The following RAD51B variants were observed in gnomAD, a reference collection of about 807,000 sequenced individuals.
RAD51B encodes the protein RAD51 paralog B, also known as DNA repair protein RAD51 homolog 2.
A neutral mutation model predicts 42.2 loss-of-function variants in RAD51B; 38 were observed. The ratio of observed to expected loss-of-function variants is 0.90; its 90% CI spans 0.70 to 1.18. The LOEUF is 1.18. Among genes scored for constraint, RAD51B ranks in the 50% most tolerant of loss-of-function variants. The pLI, the probability that RAD51B is intolerant of heterozygous loss-of-function variation, is 0.00. For missense variants in RAD51B, 373 were observed against 400.7 expected, an observed-to-expected ratio of 0.93 and a Z score of 0.59; for synonymous variants, 154 against 145.2, an observed-to-expected ratio of 1.06 and a Z score of -0.43.
In RAD51B at chr14:68,672,732, A is replaced by G. The variant is rs372821926; in HGVS notation, c.*11+21876A>G. Among the ~76,000 whole-genome samples the G allele has an allele frequency of 2.6e-5, 4 of 152,330 alleles. No homozygotes were observed. The East Asian group carries it at 7.7e-4, about 29-fold the overall frequency. On this transcript the variant is annotated intron_variant, in intron 11 of 11. Coordinates refer to the RAD51B transcript ENST00000488612. ...GCTACACAAGCATCAGGGAAATCCC[A>G]TCGATCATAAGAGATGGAAAATAAC...
At chr14:68,341,975 C>T (rs1393605958) in intron 8 of RAD51B, among the ~76,000 whole-genome samples, 1 of 152,122 alleles carries the variant, frequency 6.6e-6, no homozygotes, top group Admixed American at 6.5e-5. Context: ...GATGGCTTGA[C>T]ATATTGTGTA....
intron 7 of RAD51B, among the ~76,000 whole-genome samples, chr14:68,245,565 C>T (rs1318700054): frequency 6.6e-6 from 1 of 152,222 alleles, no homozygotes; most frequent in African/African-American, 2.4e-5. Flanking sequence ...TATCTCTTTT[C>T]CTGTTGCTTA....
intron 7 of RAD51B, among the ~76,000 whole-genome samples, chr14:68,166,561 T>G (rs1375336007): frequency 1.3e-5 from 2 of 152,318 alleles, no homozygotes; most frequent in East Asian, 3.9e-4. Flanking sequence ...TCTTCAAAAG[T>G]GTCTTCAATT....
intron 7 of RAD51B, among the ~76,000 whole-genome samples, chr14:68,188,399 C>T (rs777209698): frequency 1.1e-3 from 168 of 151,148 alleles, no homozygotes; most frequent in Non-Finnish European, 1.6e-3. Context: ...CCTCCTCCCC[C>T]TTCCCTTTCT....
chr14:68,208,107 C>T (rs1377401132), intron 7 of RAD51B, among the ~76,000 whole-genome samples: 1 of 89,692 alleles, frequency 1.1e-5, no homozygotes, highest in Non-Finnish European at 2.2e-5. Context: ...AATCGATATA[C>T]AGTATAATAT....
intron 7 of RAD51B, among the ~76,000 whole-genome samples, chr14:68,031,844 A>G (rs2076048848): frequency 6.6e-6 from 1 of 152,220 alleles, no homozygotes; most frequent in African/African-American, 2.4e-5. Context: ...CATCAAAACT[A>G]CAAATATTCT....
chr14:68,066,090 A>T (rs2076645681), intron 7 of RAD51B, among the ~76,000 whole-genome samples: 1 of 152,062 alleles, frequency 6.6e-6, no homozygotes, highest in Non-Finnish European at 1.5e-5. Context: ...AAAACAACCC[A>T]AATATTCAAC....
intron 1 of RAD51B, among the ~76,000 whole-genome samples, chr14:67,821,045 G>A (rs1202285637): frequency 6.6e-6 from 1 of 152,246 alleles, no homozygotes; most frequent in Non-Finnish European, 1.5e-5. Flanking sequence ...CCCATGGGAA[G>A]TGTTAAAGGA....
At chr14:68,049,452 A>G (rs1379706875) in intron 7 of RAD51B, among the ~76,000 whole-genome samples, 2 of 152,168 alleles carry the variant, frequency 1.3e-5, no homozygotes, top group African/African-American at 2.4e-5. Flanking sequence ...GGCCAGGCCA[A>G]CACTTCCTAA....
chr14:68,637,227 G>C (rs1892358931), intron 10 of RAD51B, among the ~76,000 whole-genome samples: 1 of 152,010 alleles, frequency 6.6e-6, no homozygotes, highest in South Asian at 2.1e-4. Flanking sequence ...CTATAACCAT[G>C]GCCATCACAC....
chr14:68,551,764 A>G (rs1888584560), intron 10 of RAD51B, among the ~76,000 whole-genome samples: 1 of 152,220 alleles, frequency 6.6e-6, no homozygotes, highest in African/African-American at 2.4e-5. Flanking sequence ...ATCATTTTCC[A>G]TGTGCAGGCA....
chr14:67,992,016 A>G (rs894562932), intron 7 of RAD51B, among the ~76,000 whole-genome samples: 2 of 152,178 alleles, frequency 1.3e-5, no homozygotes, highest in East Asian at 1.9e-4. Context: ...CAACTTTGTC[A>G]TGTTTCTTTC....
chr14:68,654,029 G>A (rs932469431), intron 11 of RAD51B, among the ~76,000 whole-genome samples: 1 of 152,254 alleles, frequency 6.6e-6, no homozygotes, highest in Non-Finnish European at 1.5e-5. Context: ...AAGCAAGAAG[G>A]TTTGTAAGCT....
intron 4 of RAD51B, among the ~76,000 whole-genome samples, chr14:67,855,045 A>G (rs574053226): frequency 1.3e-5 from 2 of 152,284 alleles, no homozygotes; most frequent in Admixed American, 6.5e-5. Flanking sequence ...TAATATCTGC[A>G]TAGTTATTAT....
intron 10 of RAD51B, among the ~76,000 whole-genome samples, chr14:68,545,003 T>C (rs1888147735): frequency 6.6e-6 from 1 of 152,144 alleles, no homozygotes. Flanking sequence ...GGAGTTAGGT[T>C]TCACTTAAGG....
chr14:68,092,016 T>C (rs984039885), intron 7 of RAD51B, among the ~76,000 whole-genome samples: 6 of 152,204 alleles, frequency 3.9e-5, no homozygotes, highest in African/African-American at 9.6e-5. Flanking sequence ...TGTAGATATG[T>C]GGCATTATTT....
intron 4 of RAD51B, among the ~76,000 whole-genome samples, chr14:67,848,350 C>G (rs914705236): frequency 1.3e-5 from 2 of 152,144 alleles, no homozygotes; most frequent in Non-Finnish European, 2.9e-5. Flanking sequence ...TAATACCCTT[C>G]TACGTCTTTC....
chr14:68,098,079 A>T (rs925130446), intron 7 of RAD51B, among the ~76,000 whole-genome samples: 4 of 151,574 alleles, frequency 2.6e-5, no homozygotes, highest in Non-Finnish European at 4.4e-5. Flanking sequence ...CAGTCTCGTG[A>T]CTCTTTTCAT....
At chr14:68,050,600 G>A (rs1319154134) in intron 7 of RAD51B, among the ~76,000 whole-genome samples, 1 of 152,024 alleles carries the variant, frequency 6.6e-6, no homozygotes, top group Non-Finnish European at 1.5e-5. Flanking sequence ...CTATTCACAC[G>A]CATGTGTGTG....
Sources: gnomAD v4.1 joint callset for allele counts (sites outside exome capture counted in the v4.1 genomes callset) on GRCh38, gnomAD v4.1.1 for gene constraint, MANE v1.5 for transcripts, NCBI Gene and HGNC (gene_info 2026-07-23, HGNC 2026-07-21) for gene names.